The following IPP variants were observed in gnomAD, a reference collection of about 807,000 sequenced individuals.
IPP encodes the protein intracisternal A particle-promoted polypeptide.
A neutral mutation model predicts 64.1 loss-of-function variants in IPP; 41 were observed. That is an observed-to-expected ratio of 0.64 (90% CI 0.50 to 0.83). IPP has a LOEUF of 0.83. Ranked by LOEUF, IPP falls within the 40% of genes least tolerant of loss-of-function variation. The probability of loss-of-function intolerance (pLI) is 0.00; values close to 1 mark genes in which losing one functional copy is unlikely to be tolerated. For synonymous variants in IPP, 214 were observed against 235.2 expected, an observed-to-expected ratio of 0.91 and a Z score of 0.83; for missense variants, 649 against 703.0, an observed-to-expected ratio of 0.92 and a Z score of 0.87.
chr1:45,736,318 A>C (rs538765625), intron 3 of IPP, among the ~76,000 whole-genome samples: 1 of 152,252 alleles, frequency 6.6e-6, no homozygotes, highest in Non-Finnish European at 1.5e-5. Flanking sequence ...TTCCATTTAA[A>C]GATAAGTAAA....
chr1:45,733,350 C>CA (rs1324724251), intron 3 of IPP, among the ~76,000 whole-genome samples: 1 of 151,702 alleles, frequency 6.6e-6, no homozygotes, highest in African/African-American at 2.4e-5. Context: ...TGCTTGAACC[C>CA]AGCAGGCAGA....
intron 3 of IPP, among the ~76,000 whole-genome samples, chr1:45,733,576 C>T (rs1000654230): frequency 1.3e-5 from 2 of 150,874 alleles, no homozygotes; most frequent in Non-Finnish European, 1.5e-5. Flanking sequence ...TGGTGGCTCA[C>T]GCCTGAGCAC....
At position 45,748,302 on chromosome 1, in the gene IPP, A is replaced by T. The variant is rs535032234; in HGVS notation, c.-50-1841T>A. Among the ~76,000 whole-genome samples the T allele has an allele frequency of 2.0e-5, 3 of 152,332 alleles. 1 individual carries two copies. The South Asian group carries it at 6.2e-4, about 32-fold the overall frequency. On this transcript the variant is annotated intron_variant, in intron 1 of 8. Transcript: ENST00000396478. ...TAAAACAATTATTATGTGCCAATTTAAAAAATATCTATTTTGGGGGACAGG... is the reference window on the plus strand; with the variant it reads ...TAAAACAATTATTATGTGCCAATTTTAAAAATATCTATTTTGGGGGACAGG...
chr1:45,717,575 G>A (rs1204945381), intron 6 of IPP, among the ~76,000 whole-genome samples: 3 of 151,372 alleles, frequency 2.0e-5, no homozygotes, highest in African/African-American at 4.9e-5. Context: ...GTGCAATCTC[G>A]GCTCAGGCTC....
chr1:45,700,478 A>T (rs1645438253), intron 8 of IPP, among the ~76,000 whole-genome samples: 1 of 152,100 alleles, frequency 6.6e-6, no homozygotes, highest in Non-Finnish European at 1.5e-5. Context: ...AGTAGGTAGG[A>T]CTACAGGTGT....
chr1:45,717,114 A>G (rs1416580401), intron 6 of IPP, 97 bp from the exon 7 acceptor site: 1 of 1,124,620 alleles, frequency 8.9e-7, no homozygotes, highest in East Asian at 2.6e-5. Context: ...TTCATATTAT[A>G]GATATCACAT....
chr1:45,709,369 C>G (rs143556247), intron 8 of IPP, among the ~76,000 whole-genome samples: 96 of 136,128 alleles, frequency 7.1e-4, no homozygotes, highest in African/African-American at 2.5e-3. Flanking sequence ...GGAAGCAGAA[C>G]TTGCACTGAG....
downstream of IPP, chr1:45,694,452 T>C (rs45519431): frequency 1.7e-4 from 267 of 1,538,906 alleles, 1 homozygote; most frequent in Non-Finnish European, 2.1e-4. Context: ...TAGAGTCTTG[T>C]GATCATTGAA....
intron 8 of IPP, among the ~76,000 whole-genome samples, chr1:45,707,514 AAAC>A (rs933404055): frequency 6.6e-6 from 1 of 151,910 alleles, no homozygotes; most frequent in Non-Finnish European, 1.5e-5. Flanking sequence ...ATGAGGAGAG[AAAC>A]AGAAGACATA....
At chr1:45,712,878 A>AAAT (rs1553189324) in intron 8 of IPP, among the ~76,000 whole-genome samples, 5 of 138,658 alleles carry the variant, frequency 3.6e-5, no homozygotes, top group African/African-American at 1.4e-4. Context: ...AAAAAAAAAA[A>AAAT]ATATATATAT....
chr1:45,705,266 G>A (rs1359188277), intron 8 of IPP, among the ~76,000 whole-genome samples: 1 of 152,224 alleles, frequency 6.6e-6, no homozygotes, highest in African/African-American at 2.4e-5. Context: ...TCTAAATACT[G>A]TCCTTCACCA....
intron 3 of IPP, among the ~76,000 whole-genome samples, chr1:45,734,713 G>A (rs981647826): frequency 6.6e-6 from 1 of 151,860 alleles, no homozygotes; most frequent in Non-Finnish European, 1.5e-5. Flanking sequence ...TCTGCCTCCT[G>A]GGTTCAAGCA....
At position 45,734,573 on chromosome 1, in the gene IPP, T is replaced by C. The variant is rs117388408; in HGVS notation, c.725-4804A>G. Among the ~76,000 whole-genome samples, 459 of 152,162 alleles carry C rather than the reference T, an allele frequency of 3.0e-3. 4 individuals are homozygous for C. The highest frequency in any genetic ancestry group is 0.022 in the East Asian group (116 of 5,182). On this transcript the variant is annotated intron_variant, in intron 3 of 8. Coordinates refer to ENST00000396478, the MANE Select transcript of IPP (RefSeq NM_005897.3). ...CCCCATCGGCCTCCCACCAAGTAGC[T>C]GGGACTACTAGTAGGCACCACCATG...
At chr1:45,732,380 A>AAAAAAAC (rs1491248626) in intron 3 of IPP, among the ~76,000 whole-genome samples, 5 of 147,460 alleles carry the variant, frequency 3.4e-5, no homozygotes, top group African/African-American at 7.6e-5. Context: ...AAAAAAAAAA[A>AAAAAAAC]CACAAAAAAC....
chr1:45,715,380 G>A (rs963144703), intron 7 of IPP, among the ~76,000 whole-genome samples: 4 of 151,996 alleles, frequency 2.6e-5, no homozygotes, highest in East Asian at 1.9e-4. Flanking sequence ...GGTGGCTCAC[G>A]CCTGTAATCC....
chr1:45,703,941 A>G (rs1340230975), intron 8 of IPP, among the ~76,000 whole-genome samples: 1 of 152,184 alleles, frequency 6.6e-6, no homozygotes, highest in Non-Finnish European at 1.5e-5. Flanking sequence ...CTTACATACT[A>G]AGAAGTCTGT....
intron 2 of IPP, among the ~76,000 whole-genome samples, chr1:45,742,644 C>G (rs1190451831): frequency 6.6e-6 from 1 of 152,118 alleles, no homozygotes; most frequent in African/African-American, 2.4e-5. Context: ...GGTGAGCCTC[C>G]CACCTCAACC....
At chr1:45,713,606 C>T (rs1569972164) in intron 8 of IPP, among the ~76,000 whole-genome samples, 2 of 152,070 alleles carry the variant, frequency 1.3e-5, no homozygotes, top group African/African-American at 2.4e-5. Flanking sequence ...TTGCTGTTAC[C>T]GAGGCTGGAG....
intron 7 of IPP, among the ~76,000 whole-genome samples, chr1:45,715,156 C>T (rs959946210): frequency 7.7e-5 from 11 of 143,420 alleles, no homozygotes; most frequent in African/African-American, 2.4e-4. Context: ...GATTGCACCA[C>T]TGCACTCCAG....
Sources: gnomAD v4.1 joint callset for allele counts (sites outside exome capture counted in the v4.1 genomes callset) on GRCh38, gnomAD v4.1.1 for gene constraint, MANE v1.5 for transcripts, NCBI Gene and HGNC (gene_info 2026-07-23, HGNC 2026-07-21) for gene names.